RARB: variants seen among roughly 807,000 people sequenced by gnomAD.
RARB encodes the protein HBV-activated protein.
A neutral mutation model predicts 51.9 loss-of-function variants in RARB; 17 were observed. That is an observed-to-expected ratio of 0.33 (90% CI 0.22 to 0.49). The LOEUF (loss-of-function observed/expected upper bound fraction) is 0.49, where lower values mean the gene tolerates loss of function less well. RARB is among the 20% of genes least tolerant of loss of function. The pLI, the probability that RARB is intolerant of heterozygous loss-of-function variation, is 0.99. For synonymous variants in RARB, 215 were observed against 195.4 expected, an observed-to-expected ratio of 1.10 and a Z score of -0.84; for missense variants, 369 against 550.8, an observed-to-expected ratio of 0.67 and a Z score of 3.30.
chr3:24,857,221 A>G (rs921953988), intron 1 of RARB, among the ~76,000 whole-genome samples: 4 of 152,172 alleles, frequency 2.6e-5, no homozygotes, highest in African/African-American at 9.7e-5. Flanking sequence ...TGCAACATTT[A>G]TACTTCACAC....
chr3:25,359,846 G>T (rs1455634457), intron 5 of RARB, among the ~76,000 whole-genome samples: 2 of 152,158 alleles, frequency 1.3e-5, no homozygotes, highest in African/African-American at 4.8e-5. Context: ...GAGACTGTTT[G>T]TTATGATTTC....
chr3:24,947,345 G>A (rs984229514), intron 2 of RARB, among the ~76,000 whole-genome samples: 1 of 152,186 alleles, frequency 6.6e-6, no homozygotes, highest in Non-Finnish European at 1.5e-5. Flanking sequence ...TTGTGTTACA[G>A]ATGCACATTT....
intron 5 of RARB, chr3:25,258,964 C>G (rs1426239832): frequency 4.4e-6 from 4 of 911,658 alleles, no homozygotes; most frequent in African/African-American, 3.6e-5. Flanking sequence ...ACACTGGGGA[C>G]CAAACCTCAG....
intron 1 of RARB, among the ~76,000 whole-genome samples, chr3:25,436,221 CT>C (rs1422644070): frequency 3.3e-5 from 5 of 152,132 alleles, no homozygotes; most frequent in African/African-American, 1.2e-4. Context: ...ATTCAGAGAG[CT>C]TTTTTTCCAT....
rs181241832 is a variant in RARB at position 24,893,822 on chromosome 3, G to A, written c.-380+35070G>A. 1.6e-4 allele frequency among the ~76,000 whole-genome samples: 25 copies of A among 152,240 alleles called. 1 individual carries two copies. Among genetic ancestry groups the A allele is most frequent in the Non-Finnish European group, 4.4e-5 (3 of 68,012 alleles). ...TTACAGGCGTGAGCCACCGTGCCCA[G>A]CTGTAAAATTGTTTTTATGGATGTA... On this transcript the variant is annotated intron_variant, in intron 2 of 11. Transcript: ENST00000383772.
intron 2 of RARB, among the ~76,000 whole-genome samples, chr3:24,950,043 A>G (rs1454556784): frequency 2.6e-5 from 4 of 152,238 alleles, no homozygotes; most frequent in Non-Finnish European, 5.9e-5. Flanking sequence ...TGAAATGTTA[A>G]TGTAGGTGAG....
intron 3 of RARB, among the ~76,000 whole-genome samples, chr3:25,529,538 A>G (rs185441699): frequency 2.8e-4 from 42 of 152,336 alleles, no homozygotes; most frequent in Non-Finnish European, 5.1e-4. Context: ...TCAGAAGGAA[A>G]CTGAGGAAAT....
chr3:25,337,056 AAC>A (rs1705084398), intron 5 of RARB, among the ~76,000 whole-genome samples: 1 of 152,204 alleles, frequency 6.6e-6, no homozygotes, highest in South Asian at 2.1e-4. Flanking sequence ...AGTAGAGCTA[AAC>A]TCCATTAGAT....
intron 2 of RARB, among the ~76,000 whole-genome samples, chr3:24,983,602 C>A (rs754294781): frequency 1.3e-5 from 2 of 152,108 alleles, no homozygotes; most frequent in Non-Finnish European, 2.9e-5. Context: ...TCTCGTTGTT[C>A]AACCCCCACT....
chr3:25,593,640 G>A lies in RARB; in HGVS notation c.924G>A (p.Gln308=). 1 of 1,614,128 alleles carries A rather than the reference G, an allele frequency of 6.2e-7. No homozygotes were observed. Among genetic ancestry groups the A allele is most frequent in the Non-Finnish European group, 8.5e-7 (1 of 1,179,994 alleles). ...LTDLVFTFAN[Q]LLPLEMDDTE... ...ACCTTGTGTTCACCTTTGCCAACCA[G>A]CTCCTGCCTTTGGAAATGGATGACA... The change falls in exon 6 of 8, where the codon CAG becomes CAA. Residue 308 remains glutamine, a synonymous_variant. Coordinates refer to ENST00000330688, the MANE Select transcript of RARB (RefSeq NM_000965.5).
rs572448344 is a variant in RARB at position 25,033,351 on chromosome 3, A to G, written c.-379-26774A>G. Among the ~76,000 whole-genome samples the G allele has an allele frequency of 1.9e-3, 288 of 152,332 alleles. 1 individual carries two copies. The highest frequency in any genetic ancestry group is 5.0e-3 in the South Asian group (24 of 4,824). On this transcript the variant is annotated intron_variant, in intron 2 of 11. Coordinates refer to the RARB transcript ENST00000383772. Reference sequence around the variant, plus strand: ...GGTCTCAGAATAAATTATTTCTCATAGAAATTAGACCTTCCCAGTCATGGG... The same window carrying G: ...GGTCTCAGAATAAATTATTTCTCATGGAAATTAGACCTTCCCAGTCATGGG...
intron 5 of RARB, among the ~76,000 whole-genome samples, chr3:25,401,554 T>C (rs772967031): frequency 6.6e-6 from 1 of 152,114 alleles, no homozygotes; most frequent in Admixed American, 6.5e-5. Flanking sequence ...AGATGGGGAA[T>C]TTTACCAGAA....
At chr3:25,161,343 G>A (rs1394346326) in intron 4 of RARB, among the ~76,000 whole-genome samples, 1 of 151,954 alleles carries the variant, frequency 6.6e-6, no homozygotes, top group Non-Finnish European at 1.5e-5. Context: ...TACCACGCCT[G>A]GCTGATGTCA....
intron 5 of RARB, among the ~76,000 whole-genome samples, chr3:25,233,515 T>TA (rs1329600526): frequency 6.6e-6 from 1 of 152,152 alleles, no homozygotes; most frequent in Non-Finnish European, 1.5e-5. Flanking sequence ...TCTTCCCTTC[T>TA]AATCTGTATG....
chr3:24,944,187 A>G (rs1214173368), intron 2 of RARB, among the ~76,000 whole-genome samples: 1 of 152,150 alleles, frequency 6.6e-6, no homozygotes, highest in Non-Finnish European at 1.5e-5. Flanking sequence ...CCTCACTTAC[A>G]TTCTTGTTTC....
At chr3:24,900,314 G>C (rs1703575567) in intron 2 of RARB, among the ~76,000 whole-genome samples, 1 of 152,216 alleles carries the variant, frequency 6.6e-6, no homozygotes, top group Non-Finnish European at 1.5e-5. Flanking sequence ...AACTATTACA[G>C]TTTGTGGAAT....
chr3:25,446,600 G>T (rs975636305), intron 1 of RARB, among the ~76,000 whole-genome samples: 1 of 151,986 alleles, frequency 6.6e-6, no homozygotes, highest in African/African-American at 2.4e-5. Context: ...TCAGGAGATT[G>T]AGACCATCCT....
intron 2 of RARB, among the ~76,000 whole-genome samples, chr3:24,995,716 G>T (rs1439383819): frequency 6.6e-6 from 1 of 152,058 alleles, no homozygotes; most frequent in Admixed American, 6.6e-5. Flanking sequence ...TACATCTATT[G>T]AGATGATCGT....
At chr3:25,149,509 AGC>A (rs1300178278) in intron 4 of RARB, among the ~76,000 whole-genome samples, 7 of 152,258 alleles carry the variant, frequency 4.6e-5, no homozygotes, top group Non-Finnish European at 1.0e-4. Context: ...GCATTGCCAA[AGC>A]TGCATGGGAA....
Sources: gnomAD v4.1 joint callset for allele counts (sites outside exome capture counted in the v4.1 genomes callset) on GRCh38, gnomAD v4.1.1 for gene constraint, MANE v1.5 for transcripts, NCBI Gene and HGNC (gene_info 2026-07-23, HGNC 2026-07-21) for gene names.